Variants in CDH5 observed in about 807,000 individuals in gnomAD.
CDH5 encodes the protein cadherin-5.
In CDH5, 28 loss-of-function variants were observed where a neutral mutation model predicts 62.0. The ratio of observed to expected loss-of-function variants is 0.45; its 90% CI spans 0.33 to 0.62. The LOEUF (loss-of-function observed/expected upper bound fraction) is 0.62. CDH5 is among the 20% of genes least tolerant of loss of function. CDH5 has a pLI of 0.02. For synonymous variants in CDH5, 464 were observed against 445.8 expected, an observed-to-expected ratio of 1.04 and a Z score of -0.52; for missense variants, 940 against 1,065.1, an observed-to-expected ratio of 0.88 and a Z score of 1.63.
intron 10 of CDH5, among the ~76,000 whole-genome samples, 170 bp downstream of exon 10, chr16:66,398,731 C>G (rs72786457): frequency 6.6e-6 from 1 of 152,040 alleles, no homozygotes; most frequent in African/African-American, 2.4e-5. Context: ...GACCCCGTCT[C>G]CAAAAAAAGA....
intron 1 of CDH5, chr16:66,377,100 G>A (rs1021855857): frequency 6.6e-6 from 1 of 152,184 alleles, no homozygotes; most frequent in Non-Finnish European, 1.5e-5. Flanking sequence ...TTTCTTTCTG[G>A]ACAAAGAAGG....
At chr16:66,380,794 G>T (rs1960884908) in intron 2 of CDH5, among the ~76,000 whole-genome samples, 1 of 151,948 alleles carries the variant, frequency 6.6e-6, no homozygotes, top group African/African-American at 2.4e-5. Context: ...TGATGATGGT[G>T]GTGGTAATGG....
Position 66,396,221 on chromosome 16 carries a change from A to G in CDH5, c.1360+20A>G. The G allele has an allele frequency of 6.2e-7, 1 of 1,613,744 alleles. No homozygotes were observed. Among genetic ancestry groups the G allele is most frequent in the Non-Finnish European group, 8.5e-7 (1 of 1,179,848 alleles). ...CCACTGGTGAGTGGCCACATCTGCC[A>G]GGGCACCTGGATTCTTTTCCTTTTC... On this transcript the variant is annotated intron_variant, in intron 8 of 11. Coordinates refer to ENST00000341529, the MANE Select transcript of CDH5 (RefSeq NM_001795.5).
At position 66,402,699 on chromosome 16, in the gene CDH5, C is replaced by T; in HGVS notation, c.1885C>T (p.Arg629Cys). 6.2e-7 allele frequency: 1 copy of T among 1,608,536 alleles called. No individual in the cohort carries two copies. The highest frequency in any genetic ancestry group is 1.1e-5 in the South Asian group (1 of 90,632). ...FLRRRLRKQA[R>C]AHGKSVPEIH... is the part of the protein sequence containing the mutation. ...GCGGCGGCGGCTCCGGAAGCAGGCC[C>T]GCGCGCACGGCAAGAGCGTGCCGGA... The change falls in exon 12 of 12, where the codon CGC becomes TGC. Residue 629 changes from arginine to cysteine, a missense_variant. Coordinates refer to ENST00000341529, the MANE Select transcript of CDH5 (RefSeq NM_001795.5).
Position 66,400,780 on chromosome 16 carries a change from C to T in CDH5, c.1601C>T (p.Ala534Val). 2 of 1,614,188 alleles carry T rather than the reference C, an allele frequency of 1.2e-6. No individual in the cohort carries two copies. Among genetic ancestry groups the T allele is most frequent in the Non-Finnish European group, 1.7e-6 (2 of 1,180,038 alleles). The change falls in exon 11 of 12, where the codon GCC becomes GTC. Residue 534 changes from alanine to valine, a missense_variant. Transcript: ENST00000341529. ...FTLTDNHDNTANITVKYGQFD... is the reference protein window; with the variant it reads ...FTLTDNHDNTVNITVKYGQFD... ...GCCTTGGTGTTTCCAGATAACACGGCCAACATCACAGTCAAGTATGGGCAG... is the reference window on the plus strand; with the variant it reads ...GCCTTGGTGTTTCCAGATAACACGGTCAACATCACAGTCAAGTATGGGCAG...
Position 66,403,618 on chromosome 16 carries a change from C to A in CDH5, c.*449C>A. ...GGCCTGGACAGCTTGACTTGTGGGG[C>A]AGGATTCTCTGCAGCCCATTCCCAA... is the stretch of plus-strand genomic sequence containing the variant. On this transcript the variant is annotated 3_prime_UTR_variant, in exon 12 of 12. Coordinates refer to ENST00000341529, the MANE Select transcript of CDH5 (RefSeq NM_001795.5). The surrounding 1 kb of genome is among the most constrained non-coding windows in gnomAD (Gnocchi z 4.3). 1 of 183,466 alleles carries A rather than the reference C, an allele frequency of 5.5e-6. No individual in the cohort carries two copies. Among genetic ancestry groups the A allele is most frequent in the Non-Finnish European group, 1.2e-5 (1 of 86,692 alleles). 11.4% of individuals were successfully genotyped at this position (183,466 alleles called of 1,614,324 possible). A position where few individuals can be genotyped will look rare whatever the true frequency, so the allele number is the denominator to read the frequency against.
At chr16:66,398,395 C>A in intron 9 of CDH5, 61 bp from the exon 10 acceptor site, 1 of 1,083,520 alleles carries the variant, frequency 9.2e-7, no homozygotes. Flanking sequence ...CATCGCTAAA[C>A]CTCAGACCAC....
At chr16:66,402,100 A>T (rs961804135) in intron 11 of CDH5, among the ~76,000 whole-genome samples, 4 of 152,140 alleles carry the variant, frequency 2.6e-5, no homozygotes, top group African/African-American at 9.7e-5. Context: ...TAAACAGAGC[A>T]GGGAGGTCAT....
chr16:66,393,028 A>G (rs889780556), intron 7 of CDH5: 7 of 152,338 alleles, frequency 4.6e-5, no homozygotes, highest in Admixed American at 4.6e-4. Context: ...TATCTTAACT[A>G]AATTTCTCTT....
rs1961356620 is a variant in CDH5, at chr16:66,404,644, A to C, written c.*1475A>C. ...ATATTAATTCAGGTTTTTTAGTTGG[A>C]AAAACAATTCCTGTAACCTTCTATT... is the stretch of plus-strand genomic sequence containing the variant. On this transcript the variant is annotated 3_prime_UTR_variant, in exon 12 of 12. Coordinates refer to ENST00000341529, the MANE Select transcript of CDH5 (RefSeq NM_001795.5). 1 of 152,586 alleles carries C rather than the reference A, an allele frequency of 6.6e-6. No homozygotes were observed. Among genetic ancestry groups the C allele is most frequent in the East Asian group, 1.9e-4 (1 of 5,200 alleles). The allele number at this position is 152,586 out of a possible 1,614,324, so 9.5% of individuals were successfully genotyped here.
Position 66,396,184 on chromosome 16 carries a change from A to C in CDH5, c.1343A>C (p.Lys448Thr). 2.5e-6 allele frequency: 4 copies of C among 1,614,144 alleles called. No homozygotes were observed. The highest frequency in any genetic ancestry group is 3.4e-6 in the Non-Finnish European group (4 of 1,180,010). Residue 448 changes from lysine to threonine, a missense_variant, in exon 8 of 12, where the codon AAA (lysine) becomes ACA (threonine). Coordinates refer to ENST00000341529, the MANE Select transcript of CDH5 (RefSeq NM_001795.5). ...YPWYNLTVEAKELDSTGTPTG... is the reference protein window; with the variant it reads ...YPWYNLTVEATELDSTGTPTG... ...TGGTATAACCTGACTGTGGAGGCCA[A>C]AGAACTGGATTCCACTGGTGAGTGG...
At chr16:66,393,917 G>C (rs774608243) in intron 7 of CDH5, among the ~76,000 whole-genome samples, 3 of 151,894 alleles carry the variant, frequency 2.0e-5, no homozygotes, top group Non-Finnish European at 4.4e-5. Flanking sequence ...CTAAGTTTTG[G>C]GACTACTCTT....
chr16:66,402,278 A>T (rs567640264), intron 11 of CDH5, among the ~76,000 whole-genome samples: 29 of 151,088 alleles, frequency 1.9e-4, no homozygotes, highest in Non-Finnish European at 3.7e-4. Flanking sequence ...CTCCTTAGGG[A>T]TCCAAGACCC....
Position 66,398,570 on chromosome 16 carries a change from C to T in CDH5, c.1591+9C>T. The T allele has an allele frequency of 7.2e-7, 1 of 1,381,812 alleles. No individual in the cohort carries two copies. The highest frequency in any genetic ancestry group is 1.0e-6 in the Non-Finnish European group (1 of 968,350). The allele number at this position is 1,381,812 out of a possible 1,614,324, so 85.6% of individuals were successfully genotyped here. ...CCTCACGGATAATCACGGTAGGCAT[C>T]AAAGTAATCAGTTCAGCTGGGCGTG... On this transcript the variant is annotated intron_variant, in intron 10 of 11. Transcript: ENST00000341529.
chr16:66,375,107 G>C (rs773637169), intron 1 of CDH5, among the ~76,000 whole-genome samples: 1 of 152,166 alleles, frequency 6.6e-6, no homozygotes, highest in South Asian at 2.1e-4. Context: ...CACCTAGGCT[G>C]TACGGTACAG....
At chr16:66,383,854 C>T (rs996731485) in intron 2 of CDH5, among the ~76,000 whole-genome samples, 7 of 152,098 alleles carry the variant, frequency 4.6e-5, no homozygotes, top group Non-Finnish European at 1.0e-4. Context: ...TCCTCACTCC[C>T]TGTCTCCACT....
chr16:66,392,937 T>G (rs981883345), intron 7 of CDH5: 1 of 152,946 alleles, frequency 6.5e-6, no homozygotes, highest in African/African-American at 2.4e-5. Flanking sequence ...GGGTTTGTTG[T>G]TGTCTGTTTG....
intron 8 of CDH5, 113 bp from the exon 9 acceptor site, chr16:66,397,869 G>C: frequency 8.3e-7 from 1 of 1,209,076 alleles, no homozygotes; most frequent in South Asian, 1.3e-5. Context: ...CTGTTCCACA[G>C]CCTCCTCCTG....
Position 66,389,436 on chromosome 16 carries a change from C to T in CDH5, c.695C>T (p.Ala232Val). The change falls in exon 5 of 12, where the codon GCC becomes GTC. Residue 232 changes from alanine to valine, a missense_variant. By Grantham distance (64) the Ala-to-Val change is moderately conservative. Coordinates refer to ENST00000341529, the MANE Select transcript of CDH5 (RefSeq NM_001795.5). ...RYEIVVEARD[A>V]QGLRGDSGTA... is the part of the protein sequence containing the mutation. The stretch of plus-strand genomic sequence containing the variant: ...GAGATCGTGGTGGAAGCGCGAGATG[C>T]CCAGGGCCTCCGGGGGGACTCGGGC... 1 of 1,613,326 alleles carries T rather than the reference C, an allele frequency of 6.2e-7. No homozygotes were observed. Among genetic ancestry groups the T allele is most frequent in the Non-Finnish European group, 8.5e-7 (1 of 1,179,556 alleles).
Sources: gnomAD v4.1 joint callset for allele counts (sites outside exome capture counted in the v4.1 genomes callset) on GRCh38, gnomAD v4.1.1 for gene constraint, Gnocchi (gnomAD v3.1) non-coding constraint, MANE v1.5 for transcripts, NCBI Gene and HGNC (gene_info 2026-07-23, HGNC 2026-07-21) for gene names.